Variants in ERC2 observed in about 807,000 individuals in gnomAD.
ERC2 encodes ELKS/RAB6-interacting/CAST family member 2, also known as ERC protein 2.
ERC2 carries 42 observed loss-of-function variants against 114.8 expected under a neutral mutation model. The observed-to-expected ratio is 0.37, with a 90% CI of 0.29 to 0.47. ERC2 has a LOEUF of 0.47. Ranked by LOEUF, ERC2 falls within the 20% of genes least tolerant of loss-of-function variation. The probability of loss-of-function intolerance (pLI) is 0.99; values close to 1 mark genes in which losing one functional copy is unlikely to be tolerated. For synonymous variants in ERC2, 454 were observed against 425.5 expected (o/e 1.07, Z -0.82); for missense variants, 939 against 1,150.7 (o/e 0.82, Z 2.66).
Position 55,595,596 on chromosome 3 carries a change from C to T in ERC2, c.*40-84320G>A, listed in dbSNP as rs1375603690. On this transcript the variant is annotated intron_variant, in intron 17 of 17. Transcript: ENST00000288221. The stretch of plus-strand genomic sequence containing the variant: ...CATTAAGGCTCTCTGCAGAAGTAAA[C>T]AAATCTGTTATGATGAAAGCCGGAC... Among the ~76,000 whole-genome samples the T allele has an allele frequency of 3.9e-5, 6 of 152,334 alleles. No individual in the cohort carries two copies. The East Asian group carries it at 1.2e-3, about 29-fold the overall frequency.
intron 14 of ERC2, among the ~76,000 whole-genome samples, chr3:55,806,292 G>A (rs887233308): frequency 6.7e-6 from 1 of 149,770 alleles, no homozygotes; most frequent in Non-Finnish European, 1.5e-5. Flanking sequence ...CTGAGATCAT[G>A]CCACTGCACT....
intron 6 of ERC2, among the ~76,000 whole-genome samples, chr3:56,128,539 T>C (rs1016254535): frequency 6.6e-6 from 1 of 152,194 alleles, no homozygotes; most frequent in African/African-American, 2.4e-5. Flanking sequence ...GGTTTAAGTT[T>C]TTCCAAATTA....
At chr3:55,741,938 G>T (rs1398170160) in intron 14 of ERC2, among the ~76,000 whole-genome samples, 1 of 152,046 alleles carries the variant, frequency 6.6e-6, no homozygotes, top group Admixed American at 6.6e-5. Context: ...GGAAAAAAGG[G>T]GGAAATTCTG....
intron 2 of ERC2, among the ~76,000 whole-genome samples, chr3:56,366,935 G>T (rs1204204367): frequency 6.6e-6 from 1 of 152,182 alleles, no homozygotes; most frequent in Admixed American, 6.5e-5. Context: ...TGGTTTTCTT[G>T]TTGGGAGGGC....
At chr3:55,669,717 T>A (rs2061485454) in intron 17 of ERC2, among the ~76,000 whole-genome samples, 1 of 152,224 alleles carries the variant, frequency 6.6e-6, no homozygotes, top group Non-Finnish European at 1.5e-5. Flanking sequence ...CTGGACAGTT[T>A]GCTTGACTCT....
Position 55,821,355 on chromosome 3 carries a change from T to C in ERC2, c.2564+67034A>G, listed in dbSNP as rs534423725. Among the ~76,000 whole-genome samples, 5 of 152,314 alleles carry C rather than the reference T, an allele frequency of 3.3e-5. No individual in the cohort carries two copies. In the East Asian group the frequency reaches 9.7e-4, roughly 29 times the overall value. ...GGGCTAATTCTGAGCACTTGAGTTCTGGGAAACCCATCAAACACGTGGAAA... is the reference window on the plus strand; with the variant it reads ...GGGCTAATTCTGAGCACTTGAGTTCCGGGAAACCCATCAAACACGTGGAAA... On this transcript the variant is annotated intron_variant, in intron 14 of 17. Coordinates refer to ENST00000288221, the MANE Select transcript of ERC2 (RefSeq NM_015576.3).
chr3:55,759,161 C>G (rs1215698640), intron 14 of ERC2, among the ~76,000 whole-genome samples: 1 of 152,120 alleles, frequency 6.6e-6, no homozygotes, highest in Non-Finnish European at 1.5e-5. Context: ...TTGTACCAAT[C>G]CAACAGAGCA....
At chr3:55,702,318 C>A (rs1245872735) in intron 15 of ERC2, among the ~76,000 whole-genome samples, 1 of 152,066 alleles carries the variant, frequency 6.6e-6, no homozygotes, top group East Asian at 1.9e-4. Context: ...GCGGAAGAGG[C>A]TTCTTTTGAT....
Position 55,683,840 on chromosome 3 carries a change from C to T in ERC2, c.2867G>A (p.Trp956Ter). 1 of 1,612,522 alleles carries T rather than the reference C, an allele frequency of 6.2e-7. No individual in the cohort carries two copies. Among genetic ancestry groups the T allele is most frequent in the Non-Finnish European group, 8.5e-7 (1 of 1,179,332 alleles). ...TTTGGTTTACAGGCCCGGCTATGCC[C>T]ATATGCCCTCCTCGTCATCCTGCGG... The part of the protein sequence containing the change: ...SPDQDDEEGI[W>*]A Residue 956 changes from tryptophan to a stop codon, truncating the protein, a stop_gained, in exon 17 of 18, where the codon TGG becomes TAG. Transcript: ENST00000288221. LOFTEE classifies it high-confidence loss of function.
At chr3:55,956,889 C>T (rs1296466468) in intron 12 of ERC2, among the ~76,000 whole-genome samples, 1 of 152,102 alleles carries the variant, frequency 6.6e-6, no homozygotes, top group African/African-American at 2.4e-5. Flanking sequence ...ATGGTCCTTG[C>T]TCCCCTGAGG....
chr3:55,724,698 G>A (rs2148894998), intron 15 of ERC2, among the ~76,000 whole-genome samples: 1 of 152,294 alleles, frequency 6.6e-6, no homozygotes, highest in South Asian at 2.1e-4. Flanking sequence ...AAACAATGAT[G>A]AAAAGCAAGG....
chr3:56,026,255 G>T (rs563071544), intron 7 of ERC2, among the ~76,000 whole-genome samples: 1 of 151,756 alleles, frequency 6.6e-6, no homozygotes, highest in Non-Finnish European at 1.5e-5. Context: ...TCACCATGTT[G>T]GCCAGGCTGG....
chr3:55,543,484 G>A (rs919819945), intron 17 of ERC2, among the ~76,000 whole-genome samples: 3 of 152,226 alleles, frequency 2.0e-5, no homozygotes, highest in African/African-American at 2.4e-5. Context: ...CTCCAGTGCG[G>A]TCACAAACGA....
intron 4 of ERC2, among the ~76,000 whole-genome samples, chr3:56,158,714 C>A (rs796592485): frequency 6.6e-6 from 1 of 151,868 alleles, no homozygotes; most frequent in African/African-American, 2.4e-5. Flanking sequence ...CTCTTTGGAA[C>A]CTTCTCAGTT....
At chr3:55,530,371 C>T (rs1344688413) in intron 17 of ERC2, among the ~76,000 whole-genome samples, 1 of 152,132 alleles carries the variant, frequency 6.6e-6, no homozygotes, top group African/African-American at 2.4e-5. Flanking sequence ...ATGGGTGTGG[C>T]TGTGATCCAG....
chr3:56,040,611 A>ACATATACATGTATATGTATATATAC (rs11391505), intron 7 of ERC2, among the ~76,000 whole-genome samples: 1 of 33,104 alleles, frequency 3.0e-5, no homozygotes, highest in Non-Finnish European at 4.8e-5. Flanking sequence ...ATGTATATAT[A>ACATATACATGTATATGTATATATAC]ATATATAGAT....
In ERC2 at chr3:55,520,770, A is replaced by T. The variant is rs1391188312; in HGVS notation, c.*40-9494T>A. Among the ~76,000 whole-genome samples the T allele has an allele frequency of 3.3e-5, 5 of 152,312 alleles. No homozygotes were observed. The South Asian group carries it at 8.3e-4, about 25-fold the overall frequency. On this transcript the variant is annotated intron_variant, in intron 17 of 17. Coordinates refer to ENST00000288221, the MANE Select transcript of ERC2 (RefSeq NM_015576.3). ...CCTGTTATCTTATTTTTGAGATGGC[A>T]TTTTCAAATTCCAATGAAAATAAAG...
intron 12 of ERC2, among the ~76,000 whole-genome samples, chr3:55,963,971 A>G (rs2068570248): frequency 6.6e-6 from 1 of 152,242 alleles, no homozygotes; most frequent in South Asian, 2.1e-4. Flanking sequence ...AGTGGTCCAG[A>G]CATAAAATAA....
chr3:55,756,406 C>T (rs1319699616), intron 14 of ERC2, among the ~76,000 whole-genome samples: 1 of 152,102 alleles, frequency 6.6e-6, no homozygotes, highest in Non-Finnish European at 1.5e-5. Context: ...TATTCTTGGT[C>T]TCACTTTAAA....
Sources: allele counts gnomAD v4.1 joint callset (sites outside exome capture counted in the v4.1 genomes callset), GRCh38; gene constraint gnomAD v4.1.1; transcripts MANE v1.5; gene names NCBI Gene and HGNC (gene_info 2026-07-23, HGNC 2026-07-21).